The following TNNI3K variants were observed in gnomAD, a reference collection of about 807,000 sequenced individuals.
The protein encoded by TNNI3K is TNNI3 interacting kinase.
TNNI3K carries 140 observed loss-of-function variants against 114.5 expected under a neutral mutation model. That is an observed-to-expected ratio of 1.22 (90% CI 1.07 to 1.41). The LOEUF (loss-of-function observed/expected upper bound fraction) is 1.41. Ranked by LOEUF, TNNI3K falls within the 40% of genes most tolerant of loss-of-function variation. The pLI is 0.00. For missense variants in TNNI3K, 1,125 were observed against 1,007.6 expected (o/e 1.12, Z -1.58); for synonymous variants, 347 against 347.5 (o/e 1.00, Z 0.02).
chr1:74,377,932 A>G (rs920528735), intron 17 of TNNI3K, among the ~76,000 whole-genome samples: 1 of 152,100 alleles, frequency 6.6e-6, no homozygotes, highest in Non-Finnish European at 1.5e-5. Context: ...ACATATTTAT[A>G]TATAAATGCC....
At chr1:74,364,271 C>G (rs955029855) in intron 11 of TNNI3K, among the ~76,000 whole-genome samples, 2 of 151,798 alleles carry the variant, frequency 1.3e-5, no homozygotes, top group Non-Finnish European at 2.9e-5. Context: ...CCACAAAACA[C>G]TGGGGTATGA....
At chr1:74,379,454 T>G (rs1465154197) in intron 17 of TNNI3K, among the ~76,000 whole-genome samples, 1 of 152,032 alleles carries the variant, frequency 6.6e-6, no homozygotes, top group African/African-American at 2.4e-5. Flanking sequence ...CTTAACCACT[T>G]AGTTCTACAA....
At chr1:74,274,442 C>A (rs1246554656) in intron 5 of TNNI3K, among the ~76,000 whole-genome samples, 1 of 151,862 alleles carries the variant, frequency 6.6e-6, no homozygotes, top group African/African-American at 2.4e-5. Flanking sequence ...TATATCTTTA[C>A]CCATACGTGT....
At chr1:74,465,506 C>T (rs911822275) in intron 21 of TNNI3K, among the ~76,000 whole-genome samples, 1 of 152,204 alleles carries the variant, frequency 6.6e-6, no homozygotes, top group African/African-American at 2.4e-5. Context: ...CACGGCAGGG[C>T]TTGGGACTTG....
intron 21 of TNNI3K, among the ~76,000 whole-genome samples, chr1:74,467,816 T>C (rs1667741543): frequency 6.6e-6 from 1 of 152,122 alleles, no homozygotes; most frequent in Non-Finnish European, 1.5e-5. Context: ...GGCCCTAATC[T>C]AAGTTTACTG....
chr1:74,524,243 T>C (rs2100421526), intron 23 of TNNI3K, among the ~76,000 whole-genome samples: 1 of 152,346 alleles, frequency 6.6e-6, no homozygotes, highest in Middle Eastern at 3.4e-3. Context: ...GAAGAGTCTG[T>C]TGGGAATTTT....
chr1:74,422,172 C>A (rs890703141), intron 17 of TNNI3K, among the ~76,000 whole-genome samples: 1 of 151,776 alleles, frequency 6.6e-6, no homozygotes, highest in African/African-American at 2.4e-5. Context: ...GTTATGTATT[C>A]TTGTTCTCAC....
At chr1:74,393,252 G>A (rs539392631) in intron 17 of TNNI3K, among the ~76,000 whole-genome samples, 37 of 148,530 alleles carry the variant, frequency 2.5e-4, no homozygotes, top group Admixed American at 6.3e-4. Context: ...TAGGGATATA[G>A]ATAGGATGGA....
intron 11 of TNNI3K, among the ~76,000 whole-genome samples, chr1:74,365,426 G>A (rs1024703004): frequency 5.9e-5 from 9 of 151,974 alleles, no homozygotes; most frequent in Admixed American, 4.6e-4. Flanking sequence ...CCCTACTACA[G>A]ACTTTTTCAA....
chr1:74,318,306 T>C (rs577308), intron 5 of TNNI3K, among the ~76,000 whole-genome samples: 151,941 of 152,346 alleles, frequency 1, 75,770 homozygotes, highest in Non-Finnish European at 1. Flanking sequence ...TTTGTGGTAT[T>C]GAGAGATTCT....
chr1:74,308,951 G>C (rs1375226019), intron 5 of TNNI3K, among the ~76,000 whole-genome samples: 2 of 151,990 alleles, frequency 1.3e-5, no homozygotes, highest in South Asian at 2.1e-4. Context: ...GACTGAACCA[G>C]GAAGAAATTG....
At chr1:74,252,684 T>C (rs919531306) in intron 4 of TNNI3K, among the ~76,000 whole-genome samples, 1 of 152,064 alleles carries the variant, frequency 6.6e-6, no homozygotes, top group African/African-American at 2.4e-5. Flanking sequence ...ACCCTCGCAG[T>C]GAGTGTTACA....
At chr1:74,273,063 G>A (rs925911998) in intron 5 of TNNI3K, among the ~76,000 whole-genome samples, 4 of 151,760 alleles carry the variant, frequency 2.6e-5, no homozygotes, top group African/African-American at 7.3e-5. Context: ...ACACATATAC[G>A]CACACAAACT....
At chr1:74,441,292 C>T (rs552387232) in intron 20 of TNNI3K, among the ~76,000 whole-genome samples, 38 of 152,146 alleles carry the variant, frequency 2.5e-4, no homozygotes, top group African/African-American at 8.4e-4. Flanking sequence ...CATTTCTGTC[C>T]GGATAAGCTT....
At chr1:74,289,927 T>C (rs1657573553) in intron 5 of TNNI3K, among the ~76,000 whole-genome samples, 1 of 151,916 alleles carries the variant, frequency 6.6e-6, no homozygotes, top group East Asian at 1.9e-4. Context: ...CCATGAGCAG[T>C]GTGATAACAT....
intron 2 of TNNI3K, among the ~76,000 whole-genome samples, chr1:74,247,676 G>C (rs1351329457): frequency 6.6e-6 from 1 of 152,060 alleles, no homozygotes; most frequent in East Asian, 1.9e-4. Flanking sequence ...AGACATAAAA[G>C]TTCTCCAAGT....
chr1:74,335,879 T>C (rs767250799), intron 6 of TNNI3K, 132 bp from the exon 7 acceptor site: 2 of 919,768 alleles, frequency 2.2e-6, no homozygotes, highest in Non-Finnish European at 3.1e-6. Context: ...ATTGTTCCAG[T>C]TTTGGACTTC....
In TNNI3K at chr1:74,334,454, C is replaced by T. The variant is rs77581462; in HGVS notation, c.544-1557C>T. Among the ~76,000 whole-genome samples the T allele has an allele frequency of 6.1e-3, 924 of 152,208 alleles. 11 individuals carry two copies. Among genetic ancestry groups the T allele is most frequent in the African/African-American group, 0.021 (884 of 41,514 alleles). Reference sequence around the variant, plus strand: ...TGAGAGGGGTCAATTGCTATTTGAACCCTAACTGCTATTTTAAGGATTCAG... The same window carrying T: ...TGAGAGGGGTCAATTGCTATTTGAATCCTAACTGCTATTTTAAGGATTCAG... On this transcript the variant is annotated intron_variant, in intron 6 of 24. Transcript: ENST00000326637.
chr1:74,486,827 T>G (rs1277203459), intron 21 of TNNI3K, among the ~76,000 whole-genome samples: 3 of 152,144 alleles, frequency 2.0e-5, no homozygotes, highest in South Asian at 2.1e-4. Context: ...AAGAAAATGG[T>G]GTCCTCAAAG....
Sources: allele counts gnomAD v4.1 joint callset (sites outside exome capture counted in the v4.1 genomes callset), GRCh38; gene constraint gnomAD v4.1.1; transcripts MANE v1.5; gene names NCBI Gene and HGNC (gene_info 2026-07-23, HGNC 2026-07-21).